Variants in MMP16 observed in about 807,000 individuals in gnomAD.
MMP16 encodes matrix metalloproteinase-16.
Under a neutral mutation model 67.8 loss-of-function variants are expected in MMP16, and 12 were observed. The observed-to-expected ratio is 0.18, with a 90% confidence interval of 0.11 to 0.29. The LOEUF (loss-of-function observed/expected upper bound fraction) is 0.29, where lower values mean the gene tolerates loss of function less well. MMP16 is among the 10% of genes least tolerant of loss of function. The pLI, the probability that MMP16 is intolerant of heterozygous loss-of-function variation, is 1.00. For synonymous variants in MMP16, 249 were observed against 255.9 expected, an observed-to-expected ratio of 0.97 and a Z score of 0.26; for missense variants, 475 against 765.7, an observed-to-expected ratio of 0.62 and a Z score of 4.48.
At chr8:88,204,029 T>C (rs1040509474) in intron 1 of MMP16, among the ~76,000 whole-genome samples, 1 of 152,202 alleles carries the variant, frequency 6.6e-6, no homozygotes, top group Non-Finnish European at 1.5e-5. Context: ...TTGGAAATGT[T>C]TCTATCATCA....
intron 6 of MMP16, among the ~76,000 whole-genome samples, chr8:88,078,928 CTT>C (rs1808698634): frequency 6.6e-6 from 1 of 152,140 alleles, no homozygotes; most frequent in Non-Finnish European, 1.5e-5. Flanking sequence ...TCTCAAATCT[CTT>C]TATTTCTCAC....
At chr8:88,287,056 A>G (rs1353667429) in intron 1 of MMP16, among the ~76,000 whole-genome samples, 1 of 152,142 alleles carries the variant, frequency 6.6e-6, no homozygotes, top group South Asian at 2.1e-4. Context: ...CCACACTGCA[A>G]CATATAACCA....
At chr8:88,188,829 A>AT (rs1410272936) in intron 2 of MMP16, among the ~76,000 whole-genome samples, 8 of 151,962 alleles carry the variant, frequency 5.3e-5, no homozygotes, top group African/African-American at 1.9e-4. Context: ...CTAATTTTGT[A>AT]TTTTTAGTAG....
intron 1 of MMP16, among the ~76,000 whole-genome samples, chr8:88,305,513 T>TA (rs1811198906): frequency 6.6e-6 from 1 of 152,218 alleles, no homozygotes; most frequent in Admixed American, 6.5e-5. Flanking sequence ...ACATGGCACT[T>TA]ACTTTAAAAT....
Position 88,167,940 on chromosome 8 carries a change from A to G in MMP16, c.438T>C (p.Pro146=). 6.2e-7 allele frequency: 1 copy of G among 1,612,946 alleles called. No homozygotes were observed. The highest frequency in any genetic ancestry group is 8.5e-7 in the Non-Finnish European group (1 of 1,179,386). Reference sequence around the variant, plus strand: ...CACGGCGAATAGCTTTACGAGTCTCAGGGTCTCCTACTTTTGGAGTTACGT... The same window carrying G: ...CACGGCGAATAGCTTTACGAGTCTCGGGGTCTCCTACTTTTGGAGTTACGT... The part of the protein sequence containing the change: ...IKNVTPKVGD[P]ETRKAIRRAF... Residue 146 remains proline (P), a synonymous_variant, in exon 4 of 10, where the codon CCT becomes CCC. Transcript: ENST00000286614.
intron 1 of MMP16, among the ~76,000 whole-genome samples, chr8:88,242,711 A>C (rs1391647152): frequency 6.6e-6 from 1 of 152,218 alleles, no homozygotes; most frequent in African/African-American, 2.4e-5. Context: ...ACTCTGAAAT[A>C]TTAAGTGTAG....
At chr8:88,149,099 C>A (rs552567541) in intron 4 of MMP16, among the ~76,000 whole-genome samples, 2 of 152,202 alleles carry the variant, frequency 1.3e-5, no homozygotes, top group African/African-American at 2.4e-5. Context: ...AAAGGGGTGA[C>A]GGACGCACCT....
intron 1 of MMP16, among the ~76,000 whole-genome samples, chr8:88,217,543 T>C (rs770090865): frequency 2.6e-4 from 40 of 152,188 alleles, no homozygotes; most frequent in Non-Finnish European, 5.7e-4. Flanking sequence ...CACCCTTCTC[T>C]GCCAATGTGG....
In MMP16 at chr8:88,262,589, T is replaced by C. The variant is rs573111951; in HGVS notation, c.132+64486A>G. Among the ~76,000 whole-genome samples the C allele has an allele frequency of 8.7e-4, 132 of 152,320 alleles. 1 individual carries two copies. Among genetic ancestry groups the C allele is most frequent in the Non-Finnish European group, 1.4e-3 (93 of 68,012 alleles). On this transcript the variant is annotated intron_variant, in intron 1 of 9. Coordinates refer to ENST00000286614, the MANE Select transcript of MMP16 (RefSeq NM_005941.5). ...TTTTGTCAATATAGTGGTAGTTATA[T>C]AGGCTGTTGGCTGTCTCTTTTCTAG...
At chr8:88,232,082 AT>A (rs1162553699) in intron 1 of MMP16, among the ~76,000 whole-genome samples, 1 of 152,138 alleles carries the variant, frequency 6.6e-6, no homozygotes, top group Non-Finnish European at 1.5e-5. Context: ...GTTATCATAC[AT>A]TTACTTCCAG....
chr8:88,066,536 A>T (rs1324838395), intron 7 of MMP16, among the ~76,000 whole-genome samples: 1 of 152,160 alleles, frequency 6.6e-6, no homozygotes, highest in African/African-American at 2.4e-5. Context: ...AAATAGGTCT[A>T]TTCAGGCATC....
intron 6 of MMP16, among the ~76,000 whole-genome samples, chr8:88,102,463 C>A (rs142853001): frequency 1.3e-5 from 2 of 151,846 alleles, no homozygotes; most frequent in Non-Finnish European, 2.9e-5. Flanking sequence ...GCATGCCACC[C>A]TTCAGGAACC....
chr8:88,269,737 C>T (rs147833393), intron 1 of MMP16, among the ~76,000 whole-genome samples: 7 of 152,250 alleles, frequency 4.6e-5, no homozygotes, highest in Admixed American at 2.0e-4. Flanking sequence ...GGAATGTCAT[C>T]CACCCTACAG....
intron 1 of MMP16, among the ~76,000 whole-genome samples, chr8:88,300,749 G>C (rs1296837952): frequency 6.6e-6 from 1 of 152,152 alleles, no homozygotes; most frequent in Non-Finnish European, 1.5e-5. Context: ...ACTGCTGAAT[G>C]GAAGTCCCCA....
intron 1 of MMP16, among the ~76,000 whole-genome samples, chr8:88,275,659 T>G (rs1396229655): frequency 6.6e-6 from 1 of 151,946 alleles, no homozygotes; most frequent in Non-Finnish European, 1.5e-5. Flanking sequence ...GTTTATCTTC[T>G]TTTAAGGATC....
At chr8:88,314,043 G>C (rs1811340159) in intron 1 of MMP16, among the ~76,000 whole-genome samples, 1 of 152,090 alleles carries the variant, frequency 6.6e-6, no homozygotes. Flanking sequence ...CATATCACAT[G>C]TATATTAGGT....
In MMP16 at chr8:88,187,516, C is replaced by T. The variant is rs545018531; in HGVS notation, c.282-918G>A. Among the ~76,000 whole-genome samples the T allele has an allele frequency of 2.6e-5, 4 of 152,196 alleles. No homozygotes were observed. The East Asian group carries it at 7.7e-4, about 29-fold the overall frequency. ...AAGGTAAGGCAGAAAATTCATAGTA[C>T]TACATGGTTCAGAAAGTAGAAATGA... On this transcript the variant is annotated intron_variant, in intron 2 of 9. Coordinates refer to ENST00000286614, the MANE Select transcript of MMP16 (RefSeq NM_005941.5).
At chr8:88,223,071 A>G (rs1314605009) in intron 1 of MMP16, among the ~76,000 whole-genome samples, 1 of 152,166 alleles carries the variant, frequency 6.6e-6, no homozygotes, top group Non-Finnish European at 1.5e-5. Context: ...ACATTTACAC[A>G]GCCAACAGAC....
At chr8:88,207,707 AAG>A (rs1809451976) in intron 1 of MMP16, among the ~76,000 whole-genome samples, 1 of 151,184 alleles carries the variant, frequency 6.6e-6, no homozygotes, top group Non-Finnish European at 1.5e-5. Flanking sequence ...AAAAAAAAAA[AAG>A]AAAGAAAGAA....
Sources: gnomAD v4.1 joint callset for allele counts (sites outside exome capture counted in the v4.1 genomes callset) on GRCh38, gnomAD v4.1.1 for gene constraint, MANE v1.5 for transcripts, NCBI Gene and HGNC (gene_info 2026-07-23, HGNC 2026-07-21) for gene names.